Variants in MEF2A observed in about 807,000 individuals in gnomAD.
MEF2A encodes the protein myocyte enhancer factor 2A, also known as myocyte-specific enhancer factor 2A.
MEF2A carries 28 observed loss-of-function variants against 55.8 expected under a neutral mutation model. That is an observed-to-expected ratio of 0.50 (90% CI 0.37 to 0.69). MEF2A has a LOEUF of 0.69. Among genes scored for constraint, MEF2A ranks in the 30% least tolerant of loss-of-function variants. MEF2A has a pLI of 0.00. For missense variants in MEF2A, 528 were observed against 626.2 expected, an observed-to-expected ratio of 0.84 and a Z score of 1.67; for synonymous variants, 239 against 227.1, an observed-to-expected ratio of 1.05 and a Z score of -0.47.
At chr15:99,612,811 G>C (rs1209123227) in intron 2 of MEF2A, among the ~76,000 whole-genome samples, 1 of 152,006 alleles carries the variant, frequency 6.6e-6, no homozygotes, top group Non-Finnish European at 1.5e-5. Flanking sequence ...ACCTGTCTCA[G>C]GTAAACCAGA....
intron 2 of MEF2A, among the ~76,000 whole-genome samples, chr15:99,628,963 A>ATT (rs71149483): frequency 1.2e-4 from 16 of 133,772 alleles, no homozygotes; most frequent in African/African-American, 4.0e-4. Flanking sequence ...TTTCAGAAGG[A>ATT]TTTTTTTTTT....
At chr15:99,687,091 T>TC (rs1484995642) in intron 7 of MEF2A, among the ~76,000 whole-genome samples, 5 of 124,420 alleles carry the variant, frequency 4.0e-5, no homozygotes, top group South Asian at 2.7e-4. Flanking sequence ...TTTCTTTTTT[T>TC]TTTTTTTTTT....
intron 8 of MEF2A, among the ~76,000 whole-genome samples, chr15:99,701,107 C>G (rs565439150): frequency 1.3e-5 from 2 of 152,300 alleles, no homozygotes; most frequent in African/African-American, 4.8e-5. Context: ...CTCAGAATGT[C>G]TCTTCCCCAA....
Position 99,713,099 on chromosome 15 carries a change from A to C in MEF2A, c.*328A>C, listed in dbSNP as rs1462960756. Reference sequence around the variant, plus strand: ...AGTTTTTGCAGAGAAACGTGTACCCATATATAATTCTCCCACACTAGCTTG... The same window carrying C: ...AGTTTTTGCAGAGAAACGTGTACCCCTATATAATTCTCCCACACTAGCTTG... On this transcript the variant is annotated 3_prime_UTR_variant, in exon 12 of 12. Coordinates refer to ENST00000557942, the MANE Select transcript of MEF2A (RefSeq NM_001319206.4). 2.2e-6 allele frequency: 1 copy of C among 448,272 alleles called. No individual in the cohort carries two copies. The allele number at this position is 448,272 out of a possible 1,614,324, so 27.8% of individuals were successfully genotyped here.
At chr15:99,598,208 C>G (rs542819494) in intron 1 of MEF2A, among the ~76,000 whole-genome samples, 18 of 152,152 alleles carry the variant, frequency 1.2e-4, no homozygotes, top group Non-Finnish European at 2.1e-4. Flanking sequence ...TTGAGTAATA[C>G]TTCCTGAAGA....
At chr15:99,600,713 A>G (rs1972681066) in intron 2 of MEF2A, among the ~76,000 whole-genome samples, 3 of 152,026 alleles carry the variant, frequency 2.0e-5, no homozygotes, top group African/African-American at 7.2e-5. Context: ...TTAATTGGCC[A>G]TTATGTGTGG....
chr15:99,677,713 G>A (rs1292526685), intron 7 of MEF2A, among the ~76,000 whole-genome samples: 1 of 152,178 alleles, frequency 6.6e-6, no homozygotes, highest in East Asian at 1.9e-4. Context: ...CACAAATTGG[G>A]AAGGCCTATA....
At chr15:99,629,545 A>G (rs1259206220) in intron 2 of MEF2A, among the ~76,000 whole-genome samples, 1 of 152,164 alleles carries the variant, frequency 6.6e-6, no homozygotes, top group East Asian at 1.9e-4. Flanking sequence ...GGGTGTCTGT[A>G]ATGAGCTAGA....
intron 4 of MEF2A, among the ~76,000 whole-genome samples, chr15:99,655,562 A>G (rs1373533994): frequency 6.6e-6 from 1 of 152,162 alleles, no homozygotes; most frequent in African/African-American, 2.4e-5. Flanking sequence ...GCAGCAGATT[A>G]GCAGTATTTT....
At chr15:99,579,287 T>G (rs930001521) in intron 1 of MEF2A, among the ~76,000 whole-genome samples, 4 of 151,488 alleles carry the variant, frequency 2.6e-5, no homozygotes, top group African/African-American at 7.3e-5. Context: ...TGGCTTATAG[T>G]TTTTTTTTCT....
chr15:99,583,969 G>C (rs1966649773), intron 1 of MEF2A, among the ~76,000 whole-genome samples: 1 of 152,098 alleles, frequency 6.6e-6, no homozygotes, highest in Non-Finnish European at 1.5e-5. Flanking sequence ...TACACACCTA[G>C]GCTATATTTG....
intron 3 of MEF2A, among the ~76,000 whole-genome samples, chr15:99,642,445 T>C (rs1233359769): frequency 2.0e-5 from 3 of 152,294 alleles, no homozygotes; most frequent in African/African-American, 7.2e-5. Context: ...CTGTCAACAA[T>C]ACAAACAACT....
At chr15:99,615,783 GA>G (rs2040086345) in intron 2 of MEF2A, among the ~76,000 whole-genome samples, 2 of 152,138 alleles carry the variant, frequency 1.3e-5, no homozygotes, top group Non-Finnish European at 2.9e-5. Context: ...AACTTTTATG[GA>G]AGACCTGTGT....
chr15:99,575,749 T>G (rs577307751), intron 1 of MEF2A, among the ~76,000 whole-genome samples: 1 of 152,332 alleles, frequency 6.6e-6, no homozygotes, highest in Admixed American at 6.5e-5. Flanking sequence ...AAATAGTGTT[T>G]TTCTAACCAT....
chr15:99,710,377 G>A (rs769632328), intron 10 of MEF2A, among the ~76,000 whole-genome samples: 9 of 152,120 alleles, frequency 5.9e-5, no homozygotes, highest in Non-Finnish European at 1.2e-4. Flanking sequence ...CAAGTAGCTG[G>A]GACTACAGGC....
chr15:99,668,015 A>G (rs1337237159), intron 4 of MEF2A, among the ~76,000 whole-genome samples: 3 of 152,192 alleles, frequency 2.0e-5, no homozygotes, highest in Non-Finnish European at 4.4e-5. Flanking sequence ...TGCGTTTTGT[A>G]CCATAAATGA....
chr15:99,638,959 T>G (rs1382057453), intron 3 of MEF2A, among the ~76,000 whole-genome samples: 2 of 152,172 alleles, frequency 1.3e-5, no homozygotes, highest in Admixed American at 6.5e-5. Context: ...TTCATCCTGT[T>G]TTACTAGTTG....
intron 7 of MEF2A, chr15:99,678,851 T>C (rs2052642092): frequency 5.6e-6 from 1 of 177,730 alleles, no homozygotes; most frequent in South Asian, 1.9e-4. Flanking sequence ...GGAGAATATA[T>C]ATAGTATGTA....
chr15:99,619,582 GC>G (rs2040792633), intron 2 of MEF2A, among the ~76,000 whole-genome samples: 1 of 152,110 alleles, frequency 6.6e-6, no homozygotes, highest in South Asian at 2.1e-4. Context: ...TCTCCATTCA[GC>G]CAACTGATTA....
Sources: allele counts gnomAD v4.1 joint callset (sites outside exome capture counted in the v4.1 genomes callset), GRCh38; gene constraint gnomAD v4.1.1; transcripts MANE v1.5; gene names NCBI Gene and HGNC (gene_info 2026-07-23, HGNC 2026-07-21).